PRH1: variants seen among roughly 807,000 people sequenced by gnomAD.
The protein encoded by PRH1 is salivary acidic proline-rich phosphoprotein 1/2.
In PRH1, 7 loss-of-function variants were observed where a neutral mutation model predicts 7.9. The ratio of observed to expected loss-of-function variants is 0.89; its 90% confidence interval spans 0.50 to 1.67. The LOEUF (loss-of-function observed/expected upper bound fraction) is 1.67. Among genes scored for constraint, PRH1 ranks in the 40% most tolerant of loss-of-function variants. PRH1 has a pLI of 0.00. For synonymous variants in PRH1, 45 were observed against 80.8 expected, an observed-to-expected ratio of 0.56 and a Z score of 2.38; for missense variants, 109 against 223.6, an observed-to-expected ratio of 0.49 and a Z score of 3.27.
At chr12:11,040,422 G>A (rs1942659654) in intron 1 of PRH1, among the ~76,000 whole-genome samples, 1 of 152,132 alleles carries the variant, frequency 6.6e-6, no homozygotes, top group Non-Finnish European at 1.5e-5. Flanking sequence ...GCAGGGACAT[G>A]GATGAAGCTG....
chr12:10,957,619 A>T (rs746799151), intron 2 of PRH1, among the ~76,000 whole-genome samples: 10 of 152,218 alleles, frequency 6.6e-5, no homozygotes, highest in Non-Finnish European at 1.2e-4. Context: ...CTATCAACAG[A>T]GTAAACAGAC....
chr12:11,028,078 C>T (rs1942007238), intron 1 of PRH1, among the ~76,000 whole-genome samples: 1 of 152,182 alleles, frequency 6.6e-6, no homozygotes. Context: ...TCCAATTCCC[C>T]TGGCCAGCAC....
rs1277665825 is a variant in PRH1, at chr12:10,944,278, T to C, written c.-59+29377A>G. Among the ~76,000 whole-genome samples, 4 of 152,300 alleles carry C rather than the reference T, an allele frequency of 2.6e-5. No homozygotes were observed. The East Asian group carries it at 7.7e-4, about 29-fold the overall frequency. ...TGGGAAGTTTTTTTATAATTCTTAT[T>C]GTGTAAATTTTTCACTTCCCTCGTT... On this transcript the variant is annotated intron_variant, in intron 2 of 3. Coordinates refer to the PRH1 transcript ENST00000539853.
At chr12:10,964,833 G>C (rs17810798) in intron 2 of PRH1, 156,491 of 540,644 alleles carry the variant, frequency 0.29, 24,898 homozygotes, top group Non-Finnish European at 0.32. Context: ...ATATCTGAAA[G>C]GTGCGTCGGA....
At chr12:10,972,970 G>C (rs1437077892) in intron 2 of PRH1, among the ~76,000 whole-genome samples, 17 of 126,718 alleles carry the variant, frequency 1.3e-4, no homozygotes, top group South Asian at 2.9e-4. Flanking sequence ...ACATGGATGG[G>C]AGAAATTATT....
intron 1 of PRH1, among the ~76,000 whole-genome samples, chr12:11,025,710 G>C (rs1565565250): frequency 6.6e-6 from 1 of 152,402 alleles, no homozygotes; most frequent in South Asian, 2.1e-4. Context: ...CTCTAGCTCT[G>C]TGTATTTCCA....
rs530342775 is a variant in PRH1 at position 11,083,088 on chromosome 12, T to C, written n.124-35900A>G. ...GTACACATGCATGGTATTAAAATCT[T>C]TGAATGGTAAAAAATGTGTATAATT... On this transcript the variant is annotated intron_variant and non_coding_transcript_variant, in intron 1 of 4. Coordinates refer to the PRH1 transcript ENST00000541977. Among the ~76,000 whole-genome samples the C allele has an allele frequency of 1.4e-4, 16 of 117,394 alleles. 3 individuals carry two copies. The highest frequency in any genetic ancestry group is 8.5e-4 in the Admixed American group (10 of 11,732). The allele number at this position is 117,394 out of a possible 152,430, so 77.0% of individuals were successfully genotyped here.
At chr12:10,888,344 T>A (rs192962824), upstream of PRH1, among the ~76,000 whole-genome samples, 19 of 152,340 alleles carry the variant, frequency 1.2e-4, 1 homozygote, top group African/African-American at 3.8e-4. Context: ...GGGAGACTGT[T>A]AATCTTCATA....
chr12:11,054,909 TCACTGCAAGCTCC>T lies in PRH1; in HGVS notation n.124-7734_124-7722del, dbSNP rs1943302769. Among the ~76,000 whole-genome samples, 3 of 142,744 alleles carry T rather than the reference TCACTGCAAGCTCC, an allele frequency of 2.1e-5. No individual in the cohort carries two copies. The Admixed American group carries it at 2.2e-4, about 10-fold the overall frequency. The allele number at this position is 142,744 out of a possible 152,430, so 93.6% of individuals were successfully genotyped here. ...GCTCTGCCTCACTGCAAGCTCCGCC[TCACTGCAAGCTCC>T]GCCTCACTGCAAGCTCCGCCTCACT... is the stretch of plus-strand genomic sequence containing the variant. On this transcript the variant is annotated intron_variant and non_coding_transcript_variant, in intron 1 of 4. Coordinates refer to the PRH1 transcript ENST00000541977.
At chr12:11,000,131 T>C (rs1449520062) in intron 1 of PRH1, among the ~76,000 whole-genome samples, 1 of 152,128 alleles carries the variant, frequency 6.6e-6, no homozygotes, top group Admixed American at 6.6e-5. Context: ...CAAAAAATAA[T>C]TTATCTAAAT....
intron 1 of PRH1, among the ~76,000 whole-genome samples, chr12:11,158,104 T>C (rs1029759628): frequency 6.6e-6 from 1 of 152,214 alleles, no homozygotes; most frequent in Non-Finnish European, 1.5e-5. Flanking sequence ...TTTAAAATTA[T>C]GGTAAAAGTT....
downstream of PRH1, among the ~76,000 whole-genome samples, chr12:11,116,136 T>C (rs950213575): frequency 6.6e-6 from 1 of 151,868 alleles, no homozygotes; most frequent in Admixed American, 6.6e-5. Context: ...TTAAACAACA[T>C]TGACAAACGT....
intron 1 of PRH1, among the ~76,000 whole-genome samples, chr12:11,112,933 A>G (rs150756170): frequency 1.3e-5 from 2 of 152,352 alleles, no homozygotes; most frequent in Non-Finnish European, 2.9e-5. Flanking sequence ...CCTTAAGCTG[A>G]TAAGCAATTT....
At chr12:10,931,093 T>A (rs1306412632) in intron 2 of PRH1, 1 of 1,568,130 alleles carries the variant, frequency 6.4e-7, no homozygotes, top group Admixed American at 2.0e-5. Flanking sequence ...ATGATTCCAG[T>A]TTATTATCCA....
intron 1 of PRH1, among the ~76,000 whole-genome samples, chr12:11,046,054 G>A (rs1034070164): frequency 6.6e-6 from 1 of 151,916 alleles, no homozygotes; most frequent in Non-Finnish European, 1.5e-5. Flanking sequence ...TTGCACATCT[G>A]CCAAAATAGT....
intron 2 of PRH1, among the ~76,000 whole-genome samples, chr12:10,941,650 C>T (rs866147770): frequency 2.2e-4 from 34 of 151,660 alleles, no homozygotes; most frequent in Middle Eastern, 6.9e-3. Flanking sequence ...GATTTCCTTG[C>T]ATTGGGCTTC....
chr12:11,059,346 G>T (rs960950175), intron 1 of PRH1, among the ~76,000 whole-genome samples: 1 of 152,160 alleles, frequency 6.6e-6, no homozygotes, highest in Non-Finnish European at 1.5e-5. Context: ...ATTTGTTCCT[G>T]TCTCAATTTC....
At chr12:10,900,390 G>A (rs1434618651) in intron 2 of PRH1, among the ~76,000 whole-genome samples, 1 of 152,218 alleles carries the variant, frequency 6.6e-6, no homozygotes, top group Non-Finnish European at 1.5e-5. Context: ...TTTTAATTCA[G>A]ATGCCACAAA....
chr12:11,103,457 C>T (rs149849155), intron 1 of PRH1, among the ~76,000 whole-genome samples: 174 of 149,946 alleles, frequency 1.2e-3, no homozygotes, highest in African/African-American at 2.5e-3. Flanking sequence ...CCAAACTCCA[C>T]GTGTTCTCAC....
Sources: allele counts gnomAD v4.1 joint callset (sites outside exome capture counted in the v4.1 genomes callset), GRCh38; gene constraint gnomAD v4.1.1; transcripts MANE v1.5; gene names NCBI Gene and HGNC (gene_info 2026-07-23, HGNC 2026-07-21).